The following ZNF410 variants were observed in gnomAD, a reference collection of about 807,000 sequenced individuals.
The protein encoded by ZNF410 is zinc finger protein 410, also known as another partner for ARF 1.
Under a neutral mutation model 54.8 loss-of-function variants are expected in ZNF410, and 18 were observed. The ratio of observed to expected loss-of-function variants is 0.33; its 90% CI spans 0.23 to 0.49. The LOEUF is 0.49. Ranked by LOEUF, ZNF410 falls within the 20% of genes least tolerant of loss-of-function variation. The pLI is 0.99. For missense variants in ZNF410, 405 were observed against 569.6 expected (o/e 0.71, Z 2.94); for synonymous variants, 191 against 207.3 (o/e 0.92, Z 0.68).
intron 5 of ZNF410, among the ~76,000 whole-genome samples, chr14:73,900,436 G>A (rs1475309598): frequency 6.7e-6 from 1 of 150,214 alleles, no homozygotes; most frequent in African/African-American, 2.5e-5. Flanking sequence ...GTGCAGCGGC[G>A]CAATCTCGGC....
chr14:73,896,171 A>C (rs2055314503), intron 3 of ZNF410, 145 bp from the exon 4 acceptor site: 2 of 639,298 alleles, frequency 3.1e-6, no homozygotes, highest in Admixed American at 3.0e-5. Context: ...TTCTTCTGTG[A>C]GACAAAGTTT....
At chr14:73,891,846 G>GT (rs1227956783) in intron 1 of ZNF410, 181 bp from the exon 2 acceptor site, 1 of 587,282 alleles carries the variant, frequency 1.7e-6, no homozygotes, top group Non-Finnish European at 3.0e-6. Context: ...TCAAAGCGTA[G>GT]TATTTTTATG....
chr14:73,927,167 C>T (rs1409580696), intron 11 of ZNF410: 7 of 257,892 alleles, frequency 2.7e-5, no homozygotes, highest in East Asian at 3.4e-4. Context: ...CTCACTGCAA[C>T]CTCTACCTCC....
chr14:73,929,141 C>T (rs2055875418), intron 11 of ZNF410, among the ~76,000 whole-genome samples: 1 of 152,168 alleles, frequency 6.6e-6, no homozygotes, highest in Non-Finnish European at 1.5e-5. Flanking sequence ...TCTGTCTGAG[C>T]CTCACTTCTT....
chr14:73,910,542 G>A (rs559396173), intron 8 of ZNF410, among the ~76,000 whole-genome samples: 26 of 152,152 alleles, frequency 1.7e-4, no homozygotes, highest in Non-Finnish European at 3.4e-4. Flanking sequence ...TCAGGAGTTC[G>A]AGACCAGCCT....
chr14:73,930,362 C>T (rs557691249), intron 11 of ZNF410, among the ~76,000 whole-genome samples: 30 of 152,130 alleles, frequency 2.0e-4, no homozygotes, highest in African/African-American at 7.0e-4. Context: ...AGTGTCTTAC[C>T]ATGTTGCCCA....
Position 73,926,089 on chromosome 14 carries a change from T to TTG in ZNF410, c.1398+2568_1398+2569insGT, listed in dbSNP as rs2055825674. Among the ~76,000 whole-genome samples, 17 of 152,238 alleles carry TTG rather than the reference T, an allele frequency of 1.1e-4. No homozygotes were observed. In the South Asian group the frequency reaches 3.1e-3, roughly 28 times the overall value. ...GTTCTTGTTTTATCTCTTTCCTCCT[T>TTG]TTGTTGTTGTTGCTGTTTATGATGG... On this transcript the variant is annotated intron_variant, in intron 11 of 11. Transcript: ENST00000555044.
chr14:73,909,728 C>T (rs1330973960), intron 8 of ZNF410: 1 of 237,510 alleles, frequency 4.2e-6, no homozygotes, highest in Non-Finnish European at 8.2e-6. Flanking sequence ...AAACATGGAC[C>T]CTCTTCTTTA....
At chr14:73,923,327 C>G in intron 10 of ZNF410, 68 bp from the exon 11 acceptor site, 9 of 1,532,630 alleles carry the variant, frequency 5.9e-6, no homozygotes, top group Non-Finnish European at 7.9e-6. Context: ...TAATGAGAGG[C>G]TTAATGATCC....
At chr14:73,924,345 C>A (rs1274892486) in intron 11 of ZNF410, among the ~76,000 whole-genome samples, 2 of 152,192 alleles carry the variant, frequency 1.3e-5, no homozygotes, top group African/African-American at 4.8e-5. Flanking sequence ...ACCTGCTGCT[C>A]ACCTCCTGCT....
intron 5 of ZNF410, 136 bp from the exon 6 acceptor site, chr14:73,903,824 C>G (rs747512172): frequency 3.2e-6 from 4 of 1,232,910 alleles, no homozygotes; most frequent in Non-Finnish European, 4.5e-6. Context: ...TAAGTGCATA[C>G]AAAGATAACT....
chr14:73,931,572 CTATCTGATCTCAAAATGCGTA>C lies in ZNF410; in HGVS notation c.*34_*54del. 6.2e-7 allele frequency: 1 copy of C among 1,605,538 alleles called. No individual in the cohort carries two copies. Among genetic ancestry groups the C allele is most frequent in the East Asian group, 2.2e-5 (1 of 44,696 alleles). On this transcript the variant is annotated 3_prime_UTR_variant, in exon 12 of 12. Transcript: ENST00000555044. ...GGTGCTGACTCCTGGAAGAGCAACTCTATCTGATCTCAAAATGCGTATACTGGGAACAGGATGCCTTAGCCC... is the reference window on the plus strand; with the variant it reads ...GGTGCTGACTCCTGGAAGAGCAACTCTACTGGGAACAGGATGCCTTAGCCC...
chr14:73,913,239 C>T (rs916312242), intron 8 of ZNF410: 3 of 152,082 alleles, frequency 2.0e-5, no homozygotes, highest in African/African-American at 7.2e-5. Flanking sequence ...CATTCATTCA[C>T]TCCAAGAAAA....
intron 8 of ZNF410, among the ~76,000 whole-genome samples, chr14:73,911,773 CCAA>C (rs2140312935): frequency 6.6e-6 from 1 of 152,136 alleles, no homozygotes; most frequent in Non-Finnish European, 1.5e-5. Flanking sequence ...AAATCAGGAT[CCAA>C]CAAGATCCAA....
Position 73,928,746 on chromosome 14 carries a change from C to T in ZNF410, c.1399-2757C>T, listed in dbSNP as rs573953336. 1.4e-4 allele frequency among the ~76,000 whole-genome samples: 22 copies of T among 152,230 alleles called. 1 individual carries two copies. In the South Asian group the frequency reaches 4.6e-3, roughly 32 times the overall value. ...ATCACTTGAGGCCAGAAGTTCGAGA[C>T]AAGCCTGGACAACAGAGCAAGATCC... On this transcript the variant is annotated intron_variant, in intron 11 of 11. Transcript: ENST00000555044.
At chr14:73,907,555 A>G (rs1056931926) in intron 7 of ZNF410, among the ~76,000 whole-genome samples, 2 of 151,758 alleles carry the variant, frequency 1.3e-5, no homozygotes, top group African/African-American at 2.4e-5. Context: ...AGATTGCGCC[A>G]CTACACTCCA....
chr14:73,909,530 T>C, intron 8 of ZNF410, 100 bp downstream of exon 8: 2 of 922,404 alleles, frequency 2.2e-6, no homozygotes, highest in Non-Finnish European at 3.4e-6. Flanking sequence ...AAACAAACTG[T>C]TCACTATAAA....
intron 10 of ZNF410, 98 bp downstream of exon 10, chr14:73,922,304 T>C: frequency 1.6e-6 from 2 of 1,277,780 alleles, no homozygotes; most frequent in Non-Finnish European, 2.1e-6. Flanking sequence ...TCTCATTTCT[T>C]ATGAGTAGCT....
At chr14:73,894,005 A>G (rs2055272447) in intron 3 of ZNF410, 73 bp downstream of exon 3, 3 of 1,518,236 alleles carry the variant, frequency 2.0e-6, no homozygotes, top group Non-Finnish European at 1.8e-6. Context: ...TACTGGTGGA[A>G]TGAATATATC....
Sources: gnomAD v4.1 joint callset for allele counts (sites outside exome capture counted in the v4.1 genomes callset) on GRCh38, gnomAD v4.1.1 for gene constraint, MANE v1.5 for transcripts, NCBI Gene and HGNC (gene_info 2026-07-23, HGNC 2026-07-21) for gene names.